The following GLT6D1 variants were observed in gnomAD, a reference collection of about 807,000 sequenced individuals.
GLT6D1 encodes the protein putative glycosyltransferase 6 domain-containing protein 1.
A neutral mutation model predicts 12.3 loss-of-function variants in GLT6D1; 9 were observed. The ratio of observed to expected loss-of-function variants is 0.73; its 90% CI spans 0.44 to 1.27. GLT6D1 has a LOEUF of 1.27. Among genes scored for constraint, GLT6D1 ranks in the 50% most tolerant of loss-of-function variants. The pLI, the probability that GLT6D1 is intolerant of heterozygous loss-of-function variation, is 0.00. For synonymous variants in GLT6D1, 128 were observed against 132.3 expected (o/e 0.97, Z 0.23); for missense variants, 335 against 346.2 (o/e 0.97, Z 0.26).
upstream of GLT6D1, among the ~76,000 whole-genome samples, chr9:135,640,125 C>A (rs1833861985): frequency 6.6e-6 from 1 of 152,148 alleles, no homozygotes; most frequent in Non-Finnish European, 1.5e-5. Flanking sequence ...TTTAGCTCTG[C>A]ACTGATAGCC....
intron 2 of GLT6D1, among the ~76,000 whole-genome samples, chr9:135,637,041 G>A (rs1833790697): frequency 6.6e-6 from 1 of 151,838 alleles, no homozygotes; most frequent in Admixed American, 6.6e-5. Context: ...TAGTAGAGAT[G>A]GGGTTTCTCC....
chr9:135,634,442 C>CTTTTTTTTTTTTTTTTTTTTTTT (rs370291630), intron 2 of GLT6D1, among the ~76,000 whole-genome samples: 1 of 54,862 alleles, frequency 1.8e-5, no homozygotes, highest in African/African-American at 8.1e-5. Context: ...TTTTCCTTTC[C>CTTTTTTTTTTTTTTTTTTTTTTT]TTTTTTTTTT....
intron 2 of GLT6D1, among the ~76,000 whole-genome samples, chr9:135,633,127 G>C (rs895222432): frequency 2.0e-5 from 3 of 152,136 alleles, no homozygotes; most frequent in African/African-American, 4.8e-5. Flanking sequence ...TTGGTTTGCC[G>C]TTTCCCCTGC....
upstream of GLT6D1, among the ~76,000 whole-genome samples, chr9:135,639,849 T>TA (rs1833856198): frequency 6.6e-6 from 1 of 151,390 alleles, no homozygotes; most frequent in Non-Finnish European, 1.5e-5. Context: ...TCACTTTTTT[T>TA]TTTTTTTTTT....
rs77225149 is a variant in GLT6D1, at chr9:135,634,049, A to G, written c.72-2571T>C. Among the ~76,000 whole-genome samples the G allele has an allele frequency of 2.4e-3, 358 of 152,282 alleles. 3 individuals are homozygous for G. The highest frequency in any genetic ancestry group is 0.011 in the East Asian group (55 of 5,184). On this transcript the variant is annotated intron_variant, in intron 2 of 4. Transcript: ENST00000371763. ...CATCTGAAACTCTTTATAACTGGCCATGCATCCTTTTCATTAAGGTACAAT... is the reference window on the plus strand; with the variant it reads ...CATCTGAAACTCTTTATAACTGGCCGTGCATCCTTTTCATTAAGGTACAAT...
chr9:135,626,803 G>T (rs550451152), intron 3 of GLT6D1, among the ~76,000 whole-genome samples: 1 of 152,066 alleles, frequency 6.6e-6, no homozygotes, highest in African/African-American at 2.4e-5. Flanking sequence ...CGAGCCATCC[G>T]ATTTGCCTTC....
chr9:135,624,884 C>T (rs561900630), intron 4 of GLT6D1, among the ~76,000 whole-genome samples: 108 of 147,892 alleles, frequency 7.3e-4, no homozygotes, highest in African/African-American at 2.6e-3. Flanking sequence ...CACCTGCCAC[C>T]ACGCCCAGGT....
intron 3 of GLT6D1, 119 bp downstream of exon 3, chr9:135,631,312 C>T (rs1001939355): frequency 1.2e-6 from 1 of 803,282 alleles, no homozygotes; most frequent in African/African-American, 1.7e-5. Flanking sequence ...GAAAATAAAA[C>T]TCCAATTCTG....
chr9:135,631,401 G>T, intron 3 of GLT6D1, 30 bp downstream of exon 3: 1 of 1,549,358 alleles, frequency 6.5e-7, no homozygotes, highest in Non-Finnish European at 8.9e-7. Flanking sequence ...TTGTTTGTGT[G>T]TGCATGTAAA....
chr9:135,627,316 T>C (rs1833545525), intron 3 of GLT6D1, among the ~76,000 whole-genome samples: 1 of 152,166 alleles, frequency 6.6e-6, no homozygotes, highest in South Asian at 2.1e-4. Context: ...ACATTAAAAA[T>C]TAATCTCATT....
At chr9:135,639,647 C>T (rs149804729), upstream of GLT6D1, 74 of 153,048 alleles carry the variant, frequency 4.8e-4, no homozygotes, top group Middle Eastern at 3.4e-3. Flanking sequence ...CAAGTGCTCT[C>T]AAAGGTAGAT....
At chr9:135,629,217 T>C (rs1323529633) in intron 3 of GLT6D1, among the ~76,000 whole-genome samples, 1 of 152,108 alleles carries the variant, frequency 6.6e-6, no homozygotes, top group African/African-American at 2.4e-5. Context: ...ATTAGGACGT[T>C]ATTGACTTGA....
At chr9:135,634,442 C>CTTTTTT (rs370291630) in intron 2 of GLT6D1, among the ~76,000 whole-genome samples, 2,062 of 54,634 alleles carry the variant, frequency 0.038, 97 homozygotes, top group African/African-American at 0.073. Context: ...TTTTCCTTTC[C>CTTTTTT]TTTTTTTTTT....
intron 2 of GLT6D1, among the ~76,000 whole-genome samples, chr9:135,635,555 G>A (rs984123840): frequency 2.6e-5 from 4 of 152,082 alleles, no homozygotes; most frequent in Non-Finnish European, 2.9e-5. Flanking sequence ...CTGGAGAATG[G>A]TGCTAGAAAC....
At chr9:135,635,532 A>G (rs1342306050) in intron 2 of GLT6D1, among the ~76,000 whole-genome samples, 3 of 151,162 alleles carry the variant, frequency 2.0e-5, no homozygotes, top group Non-Finnish European at 4.4e-5. Context: ...TAGAAACAAG[A>G]TCTGTTGCTT....
chr9:135,625,943 A>C (rs1833503843), intron 4 of GLT6D1, 126 bp downstream of exon 4: 2 of 1,068,236 alleles, frequency 1.9e-6, no homozygotes, highest in Non-Finnish European at 2.7e-6. Context: ...GTTTCTCCCC[A>C]GAAATCGTGG....
At chr9:135,636,302 T>A (rs4431660) in intron 2 of GLT6D1, among the ~76,000 whole-genome samples, 1 of 152,144 alleles carries the variant, frequency 6.6e-6, no homozygotes, top group Non-Finnish European at 1.5e-5. Flanking sequence ...TGTGGTGAGT[T>A]GAGATCGCTC....
intron 2 of GLT6D1, among the ~76,000 whole-genome samples, chr9:135,637,954 A>G (rs1256338738): frequency 1.3e-5 from 2 of 152,196 alleles, no homozygotes; most frequent in Non-Finnish European, 2.9e-5. Flanking sequence ...AGTGGTATGG[A>G]GAAAGCTAGA....
At chr9:135,633,510 C>T (rs1368022148) in intron 2 of GLT6D1, among the ~76,000 whole-genome samples, 2 of 152,168 alleles carry the variant, frequency 1.3e-5, no homozygotes, top group Non-Finnish European at 2.9e-5. Context: ...CCACCTCGGC[C>T]TCCCAAAGTG....
Sources: gnomAD v4.1 joint callset for allele counts (sites outside exome capture counted in the v4.1 genomes callset) on GRCh38, gnomAD v4.1.1 for gene constraint, MANE v1.5 for transcripts, NCBI Gene and HGNC (gene_info 2026-07-23, HGNC 2026-07-21) for gene names.